TDRD5: variants seen among roughly 807,000 people sequenced by gnomAD.
TDRD5 encodes tudor domain containing 5.
Under a neutral mutation model 120.6 loss-of-function variants are expected in TDRD5, and 41 were observed. The ratio of observed to expected loss-of-function variants is 0.34; its 90% CI spans 0.26 to 0.44. The LOEUF (loss-of-function observed/expected upper bound fraction) is 0.44. Ranked by LOEUF, TDRD5 falls within the 20% of genes least tolerant of loss-of-function variation. The probability of loss-of-function intolerance (pLI) is 1.00; values close to 1 mark genes in which losing one functional copy is unlikely to be tolerated. For missense variants in TDRD5, 1,006 were observed against 1,221.2 expected, an observed-to-expected ratio of 0.82 and a Z score of 2.63; for synonymous variants, 430 against 433.7, an observed-to-expected ratio of 0.99 and a Z score of 0.11.
At chr1:179,647,136 T>C (rs976550130) in intron 11 of TDRD5, among the ~76,000 whole-genome samples, 5 of 148,842 alleles carry the variant, frequency 3.4e-5, no homozygotes, top group Middle Eastern at 3.5e-3. Context: ...AGAGCCCGCA[T>C]CGCCAAGTCA....
chr1:179,691,209 TG>T lies in TDRD5; in HGVS notation c.*267del. The T allele has an allele frequency of 3.4e-6, 1 of 296,986 alleles. No individual in the cohort carries two copies. Among genetic ancestry groups the T allele is most frequent in the Non-Finnish European group, 6.1e-6 (1 of 162,644 alleles). 18.4% of individuals were successfully genotyped at this position (296,986 alleles called of 1,614,324 possible). A position where few individuals can be genotyped will look rare whatever the true frequency, so the allele number is the denominator to read the frequency against. On this transcript the variant is annotated 3_prime_UTR_variant, in exon 18 of 18. Coordinates refer to ENST00000444136, the MANE Select transcript of TDRD5 (RefSeq NM_001199085.3). Reference sequence around the variant, plus strand: ...GTTTTTAATGTAGTTTAAAGGAATTTGTTTTTTTGTGTTTGTTTTTCTTGTA... The same window carrying T: ...GTTTTTAATGTAGTTTAAAGGAATTTTTTTTTTGTGTTTGTTTTTCTTGTA...
chr1:179,665,498 A>T (rs905319955), intron 16 of TDRD5, among the ~76,000 whole-genome samples: 1 of 152,158 alleles, frequency 6.6e-6, no homozygotes, highest in Non-Finnish European at 1.5e-5. Context: ...TGAAACGATG[A>T]TTCTTTCCCC....
chr1:179,650,820 CAT>C, intron 11 of TDRD5, 45 bp from the exon 12 acceptor site: 1 of 1,581,502 alleles, frequency 6.3e-7, no homozygotes, highest in South Asian at 1.1e-5. Context: ...TATTATAATT[CAT>C]GTTTAGATCT....
chr1:179,631,686 C>T (rs757579113), intron 7 of TDRD5, among the ~76,000 whole-genome samples: 1 of 151,932 alleles, frequency 6.6e-6, no homozygotes, highest in Admixed American at 6.6e-5. Flanking sequence ...ATATTAATGC[C>T]TTATTTACCA....
chr1:179,637,836 A>G (rs185365683), intron 9 of TDRD5, among the ~76,000 whole-genome samples: 45 of 152,374 alleles, frequency 3.0e-4, no homozygotes, highest in African/African-American at 1.1e-3. Flanking sequence ...TTAGCTTAAG[A>G]AGATAGGAGA....
At chr1:179,630,712 G>T (rs776852422) in intron 6 of TDRD5, 55 bp from the exon 7 acceptor site, 170 of 1,556,530 alleles carry the variant, frequency 1.1e-4, no homozygotes, top group Non-Finnish European at 1.5e-4. Flanking sequence ...AACTATATAT[G>T]TTATATATCT....
At chr1:179,592,294 C>T in intron 1 of TDRD5, 169 bp downstream of exon 1, 2 of 297,006 alleles carry the variant, frequency 6.7e-6, no homozygotes, top group Non-Finnish European at 1.3e-5. Flanking sequence ...TCCTGGTTCC[C>T]GAGGAGCCCC....
At chr1:179,685,875 T>C (rs1680681067) in intron 17 of TDRD5, among the ~76,000 whole-genome samples, 1 of 152,190 alleles carries the variant, frequency 6.6e-6, no homozygotes, top group East Asian at 1.9e-4. Flanking sequence ...ATGCTTGTGA[T>C]TTTTGCACAT....
At chr1:179,630,381 C>T (rs12030594) in intron 6 of TDRD5, among the ~76,000 whole-genome samples, 13,681 of 152,022 alleles carry the variant, frequency 0.09, 677 homozygotes, top group Middle Eastern at 0.12. Flanking sequence ...GAAGTGATAT[C>T]GAATATTATC....
intron 4 of TDRD5, among the ~76,000 whole-genome samples, chr1:179,597,163 G>A (rs1161852917): frequency 6.6e-6 from 1 of 151,912 alleles, no homozygotes; most frequent in Non-Finnish European, 1.5e-5. Context: ...GTATTGAATT[G>A]GAAAAATTTA....
At chr1:179,604,055 G>A (rs902094602) in intron 4 of TDRD5, among the ~76,000 whole-genome samples, 2 of 151,976 alleles carry the variant, frequency 1.3e-5, no homozygotes, top group Admixed American at 6.6e-5. Flanking sequence ...CAATTTCACT[G>A]TTTATTATTG....
At chr1:179,597,224 TC>T (rs1465542160) in intron 4 of TDRD5, among the ~76,000 whole-genome samples, 2 of 152,198 alleles carry the variant, frequency 1.3e-5, no homozygotes, top group Non-Finnish European at 2.9e-5. Flanking sequence ...AAATATTTTC[TC>T]CTGGCCGATG....
chr1:179,639,477 A>T (rs1320549503), intron 9 of TDRD5, among the ~76,000 whole-genome samples: 1 of 152,216 alleles, frequency 6.6e-6, no homozygotes, highest in Non-Finnish European at 1.5e-5. Context: ...CTGCAGCAAG[A>T]TAATGTGTAT....
intron 7 of TDRD5, among the ~76,000 whole-genome samples, chr1:179,634,063 C>T (rs528957364): frequency 2.0e-5 from 3 of 151,036 alleles, no homozygotes; most frequent in East Asian, 2.0e-4. Context: ...CCCAGCTACT[C>T]GGGAGGCTGA....
chr1:179,648,795 AAT>A (rs1428355480), intron 11 of TDRD5, among the ~76,000 whole-genome samples: 5 of 152,252 alleles, frequency 3.3e-5, no homozygotes, highest in South Asian at 4.2e-4. Flanking sequence ...CAATAAAAAA[AAT>A]AATGTCAATT....
intron 11 of TDRD5, among the ~76,000 whole-genome samples, chr1:179,647,132 C>T (rs1467023051): frequency 1.0e-4 from 15 of 148,476 alleles, no homozygotes; most frequent in African/African-American, 3.2e-4. Flanking sequence ...AAAAAGAGCC[C>T]GCATCGCCAA....
At chr1:179,626,390 T>C (rs1677135635) in intron 6 of TDRD5, among the ~76,000 whole-genome samples, 1 of 152,140 alleles carries the variant, frequency 6.6e-6, no homozygotes, top group South Asian at 2.1e-4. Context: ...AGTTTGTCTC[T>C]AGGGGTGACT....
At chr1:179,602,275 G>T (rs1675756654) in intron 4 of TDRD5, among the ~76,000 whole-genome samples, 1 of 152,206 alleles carries the variant, frequency 6.6e-6, no homozygotes, top group African/African-American at 2.4e-5. Flanking sequence ...GTATCTCATT[G>T]TGGTTTTGAT....
chr1:179,618,722 T>C (rs747188311), intron 5 of TDRD5, 40 bp downstream of exon 5: 2 of 1,379,644 alleles, frequency 1.4e-6, no homozygotes, highest in Non-Finnish European at 2.0e-6. Flanking sequence ...AATAATTGAT[T>C]TATAAATTTA....
Sources: allele counts gnomAD v4.1 joint callset (sites outside exome capture counted in the v4.1 genomes callset), GRCh38; gene constraint gnomAD v4.1.1; transcripts MANE v1.5; gene names NCBI Gene and HGNC (gene_info 2026-07-23, HGNC 2026-07-21).